PPP1R12A: variants seen among roughly 807,000 people sequenced by gnomAD.
PPP1R12A encodes the protein protein phosphatase 1 regulatory subunit 12A.
In PPP1R12A, 19 loss-of-function variants were observed where a neutral mutation model predicts 139.6. The ratio of observed to expected loss-of-function variants is 0.14; its 90% CI spans 0.09 to 0.20. The LOEUF (loss-of-function observed/expected upper bound fraction) is 0.20, where lower values mean the gene tolerates loss of function less well. Ranked by LOEUF, PPP1R12A falls within the 10% of genes least tolerant of loss-of-function variation. PPP1R12A has a pLI of 1.00. For synonymous variants in PPP1R12A, 427 were observed against 420.6 expected, an observed-to-expected ratio of 1.02 and a Z score of -0.19; for missense variants, 925 against 1,211.5, an observed-to-expected ratio of 0.76 and a Z score of 3.51.
chr12:79,777,290 A>G, intron 24 of PPP1R12A: 2 of 974,892 alleles, frequency 2.1e-6, no homozygotes, highest in Non-Finnish European at 2.4e-6. Context: ...AGTACAGATA[A>G]GTCTTTAACT....
intron 1 of PPP1R12A, among the ~76,000 whole-genome samples, chr12:79,894,311 G>C (rs1884932277): frequency 6.6e-6 from 1 of 152,096 alleles, no homozygotes; most frequent in South Asian, 2.1e-4. Flanking sequence ...AATAAAGTCA[G>C]GCAAAAAGAC....
At chr12:79,799,402 G>A (rs1417414317) in intron 14 of PPP1R12A, among the ~76,000 whole-genome samples, 2 of 152,242 alleles carry the variant, frequency 1.3e-5, no homozygotes, top group African/African-American at 4.8e-5. Context: ...TGCCTGTCTC[G>A]ACCTCAGAGG....
intron 23 of PPP1R12A, among the ~76,000 whole-genome samples, chr12:79,781,225 C>G (rs17005909): frequency 0.013 from 2,002 of 152,094 alleles, 46 homozygotes; most frequent in African/African-American, 0.046. Flanking sequence ...AAGAGAAATA[C>G]AAGTGAATGT....
At chr12:79,779,640 T>G (rs1376481889) in intron 23 of PPP1R12A, 5 of 297,864 alleles carry the variant, frequency 1.7e-5, no homozygotes, top group African/African-American at 1.1e-4. Flanking sequence ...CATGACAAAT[T>G]CATACAAATC....
intron 1 of PPP1R12A, among the ~76,000 whole-genome samples, chr12:79,908,312 A>G (rs1592811921): frequency 6.6e-6 from 1 of 152,264 alleles, no homozygotes; most frequent in Non-Finnish European, 1.5e-5. Flanking sequence ...GGAAGCATCT[A>G]TGATAACTAC....
At position 79,822,134 on chromosome 12, in the gene PPP1R12A, CA is replaced by C; in HGVS notation, c.848del (p.Leu283CysfsTer19). ...DEDILGYLEELQKKQNLLHSE... is the reference protein window; with the variant it reads ...DEDILGYLEEXQKKQNLLHSE... Reference sequence around the variant, plus strand: ...AACATACCAGATTTTGTTTCTTTTGCAACTCTTCTAAATATCCTAAAATGTC... The same window carrying C: ...AACATACCAGATTTTGTTTCTTTTGCACTCTTCTAAATATCCTAAAATGTC... On this transcript the variant is annotated frameshift_variant, in exon 6 of 25. Coordinates refer to ENST00000450142, the MANE Select transcript of PPP1R12A (RefSeq NM_002480.3). LOFTEE classifies it high-confidence loss of function. The C allele has an allele frequency of 6.3e-7, 1 of 1,578,540 alleles. No homozygotes were observed.
At chr12:79,789,774 G>C in intron 20 of PPP1R12A, 1 of 332,024 alleles carries the variant, frequency 3.0e-6, no homozygotes, top group Non-Finnish European at 5.7e-6. Context: ...TGAATTAGGT[G>C]ACACTTTTTT....
intron 6 of PPP1R12A, 148 bp downstream of exon 6, chr12:79,821,968 C>A: frequency 3.7e-6 from 2 of 544,612 alleles, no homozygotes; most frequent in South Asian, 2.3e-5. Flanking sequence ...TATCACCATC[C>A]TTTATTCTCT....
intron 1 of PPP1R12A, among the ~76,000 whole-genome samples, chr12:79,921,711 T>G (rs960550913): frequency 6.6e-6 from 1 of 152,304 alleles, no homozygotes; most frequent in East Asian, 1.9e-4. Context: ...TAAATGGTGA[T>G]CTCTCTATGT....
intron 5 of PPP1R12A, among the ~76,000 whole-genome samples, chr12:79,823,318 A>T (rs1396254448): frequency 2.0e-5 from 3 of 152,184 alleles, no homozygotes; most frequent in Non-Finnish European, 2.9e-5. Flanking sequence ...AAAAAATATA[A>T]TTCTGAAAGA....
chr12:79,857,881 T>C lies in PPP1R12A; in HGVS notation c.369-12461A>G, dbSNP rs572948325. 4.6e-5 allele frequency among the ~76,000 whole-genome samples: 7 copies of C among 152,282 alleles called. No homozygotes were observed. The East Asian group carries it at 9.6e-4, about 21-fold the overall frequency. ...CTCAAGAATGAGAGTTCAGTTCTGA[T>C]TGTGAAATAGGAATAACAGTGAACA... On this transcript the variant is annotated intron_variant, in intron 2 of 24. Transcript: ENST00000450142.
chr12:79,775,597 ATCTGAGGCATATCT>A lies in PPP1R12A; in HGVS notation c.*318_*331del, dbSNP rs1869630036. On this transcript the variant is annotated 3_prime_UTR_variant, in exon 25 of 25. Transcript: ENST00000450142. ...TACAACTAAGGCTTACTGGTTAAAT[ATCTGAGGCATATCT>A]GGCCTTGAACACTTTCCTTATATGC... 1.2e-5 allele frequency: 2 copies of A among 173,328 alleles called. No homozygotes were observed. Among genetic ancestry groups the A allele is most frequent in the Admixed American group, 1.3e-4 (2 of 15,932 alleles). The allele number at this position is 173,328 out of a possible 1,614,324, so 10.7% of individuals were successfully genotyped here.
At chr12:79,893,388 C>A (rs1218954330) in intron 1 of PPP1R12A, among the ~76,000 whole-genome samples, 1 of 152,184 alleles carries the variant, frequency 6.6e-6, no homozygotes, top group Non-Finnish European at 1.5e-5. Context: ...TATGTACTAT[C>A]TTTACATTCA....
chr12:79,781,899 C>A, intron 22 of PPP1R12A, 37 bp from the exon 23 acceptor site: 1 of 1,342,608 alleles, frequency 7.4e-7, no homozygotes, highest in Admixed American at 2.2e-5. Context: ...GAGATAAGTG[C>A]AAAAAAGTTC....
At chr12:79,826,337 G>GTTTT (rs34658905) in intron 5 of PPP1R12A, among the ~76,000 whole-genome samples, 15 of 117,182 alleles carry the variant, frequency 1.3e-4, no homozygotes, top group East Asian at 2.8e-4. Flanking sequence ...ATTGTTTCGG[G>GTTTT]TTTTTTTTTT....
At chr12:79,826,947 T>G (rs148442835) in intron 5 of PPP1R12A, among the ~76,000 whole-genome samples, 1 of 152,288 alleles carries the variant, frequency 6.6e-6, no homozygotes, top group East Asian at 1.9e-4. Context: ...GGTCACTGTT[T>G]GGGAGAGAAG....
intron 2 of PPP1R12A, among the ~76,000 whole-genome samples, chr12:79,870,086 GGT>G (rs1212528300): frequency 6.6e-6 from 1 of 151,834 alleles, no homozygotes; most frequent in East Asian, 1.9e-4. Context: ...TGCTGAAAGA[GGT>G]GTTTTTAATG....
chr12:79,803,511 C>CT (rs1565747766), intron 14 of PPP1R12A, among the ~76,000 whole-genome samples: 1 of 152,072 alleles, frequency 6.6e-6, no homozygotes. Flanking sequence ...CCTGTGTTGA[C>CT]TTTTTTTGTT....
At chr12:79,827,173 G>T (rs1011671182) in intron 5 of PPP1R12A, among the ~76,000 whole-genome samples, 1 of 152,030 alleles carries the variant, frequency 6.6e-6, no homozygotes, top group Non-Finnish European at 1.5e-5. Context: ...GTAAATTATT[G>T]AAAGTTTTAA....
Sources: gnomAD v4.1 joint callset for allele counts (sites outside exome capture counted in the v4.1 genomes callset) on GRCh38, gnomAD v4.1.1 for gene constraint, MANE v1.5 for transcripts, NCBI Gene and HGNC (gene_info 2026-07-23, HGNC 2026-07-21) for gene names.